Variants in FOXN3 observed in about 807,000 individuals in gnomAD.
The protein encoded by FOXN3 is forkhead box protein N3.
In FOXN3, 7 loss-of-function variants were observed where a neutral mutation model predicts 38.4. That is an observed-to-expected ratio of 0.18 (90% confidence interval 0.10 to 0.34). The LOEUF (loss-of-function observed/expected upper bound fraction) is 0.34. Ranked by LOEUF, FOXN3 falls within the 10% of genes least tolerant of loss-of-function variation. The pLI, the probability that FOXN3 is intolerant of heterozygous loss-of-function variation, is 1.00. For missense variants in FOXN3, 456 were observed against 613.4 expected, an observed-to-expected ratio of 0.74 and a Z score of 2.71; for synonymous variants, 230 against 242.2, an observed-to-expected ratio of 0.95 and a Z score of 0.47.
At chr14:89,304,310 C>A (rs140595928) in intron 3 of FOXN3, among the ~76,000 whole-genome samples, 1 of 151,920 alleles carries the variant, frequency 6.6e-6, no homozygotes, top group Non-Finnish European at 1.5e-5. Flanking sequence ...CGGGAAGGGG[C>A]GGGAAGGGGC....
intron 1 of FOXN3, among the ~76,000 whole-genome samples, chr14:89,545,441 G>A (rs11622222): frequency 0.39 from 59,916 of 152,060 alleles, 15,165 homozygotes; most frequent in Non-Finnish European, 0.56. Flanking sequence ...CTTCTAACAC[G>A]GAGAATGCAT....
intron 3 of FOXN3, among the ~76,000 whole-genome samples, chr14:89,346,412 T>C (rs1425878527): frequency 6.6e-6 from 1 of 152,206 alleles, no homozygotes; most frequent in African/African-American, 2.4e-5. Flanking sequence ...ATTCTAAGAC[T>C]TTCCCTGTTT....
chr14:89,170,704 T>G (rs1222731124), intron 5 of FOXN3, among the ~76,000 whole-genome samples: 1 of 152,202 alleles, frequency 6.6e-6, no homozygotes, highest in East Asian at 1.9e-4. Flanking sequence ...TGTTGAGAGA[T>G]AACTGAAAAC....
chr14:89,288,670 TTCTCTCTCTCTC>T (rs1202531466), intron 3 of FOXN3, among the ~76,000 whole-genome samples: 40 of 54,128 alleles, frequency 7.4e-4, no homozygotes, highest in South Asian at 1.1e-3. Flanking sequence ...GGCACTCTCT[TTCTCTCTCTCTC>T]TCTCTCTCTC....
chr14:89,268,030 TAC>T (rs1043910537), intron 4 of FOXN3, among the ~76,000 whole-genome samples: 1 of 152,022 alleles, frequency 6.6e-6, no homozygotes, highest in African/African-American at 2.4e-5. Context: ...TACACACACA[TAC>T]ACACACACAT....
chr14:89,352,937 G>A (rs368874233), intron 2 of FOXN3, among the ~76,000 whole-genome samples: 43 of 152,230 alleles, frequency 2.8e-4, no homozygotes, highest in African/African-American at 7.2e-4. Context: ...TGCAGCGAGC[G>A]GAGATCGCAC....
intron 2 of FOXN3, chr14:89,356,403 AT>A (rs1889227686): frequency 1.3e-5 from 2 of 151,928 alleles, no homozygotes; most frequent in African/African-American, 2.4e-5. Context: ...TCTCAAAAAA[AT>A]ATATAATAAT....
At chr14:89,299,910 C>A (rs1035147321) in intron 3 of FOXN3, among the ~76,000 whole-genome samples, 1 of 152,050 alleles carries the variant, frequency 6.6e-6, no homozygotes, top group African/African-American at 2.4e-5. Flanking sequence ...AGAGCAAACA[C>A]ATGGTGAGTA....
intron 2 of FOXN3, chr14:89,409,348 G>GGGA (rs1891472958): frequency 2.6e-5 from 2 of 77,924 alleles, no homozygotes; most frequent in South Asian, 1.0e-3. Context: ...CCAGCGGTGG[G>GGGA]GGACGGGGGG....
At chr14:89,311,124 T>C in intron 3 of FOXN3, among the ~76,000 whole-genome samples, 1 of 135,216 alleles carries the variant, frequency 7.4e-6, no homozygotes, top group Admixed American at 7.6e-5. Context: ...AAAAAAAACC[T>C]GACATCTTTT....
chr14:89,245,810 C>T (rs1202143896), intron 4 of FOXN3, among the ~76,000 whole-genome samples: 1 of 152,154 alleles, frequency 6.6e-6, no homozygotes, highest in Admixed American at 6.5e-5. Flanking sequence ...GACACGCAGC[C>T]GGAGAGGCAG....
intron 1 of FOXN3, among the ~76,000 whole-genome samples, chr14:89,506,482 GC>G (rs1893941106): frequency 1.4e-5 from 2 of 144,542 alleles, no homozygotes; most frequent in African/African-American, 5.3e-5. Context: ...CCGGCCAGCC[GC>G]CCCGTCCGGG....
At chr14:89,559,785 G>A (rs1895208772) in intron 1 of FOXN3, among the ~76,000 whole-genome samples, 1 of 152,304 alleles carries the variant, frequency 6.6e-6, no homozygotes, top group Admixed American at 6.5e-5. Flanking sequence ...GGGTGTCAGG[G>A]AGTGAGTGAA....
intron 1 of FOXN3, among the ~76,000 whole-genome samples, chr14:89,515,668 G>A (rs970229677): frequency 1.3e-5 from 2 of 152,158 alleles, no homozygotes; most frequent in Admixed American, 6.5e-5. Flanking sequence ...CCCAGGAGGT[G>A]GAGGTTGCAG....
At chr14:89,334,611 CATAAA>C (rs142055992) in intron 3 of FOXN3, among the ~76,000 whole-genome samples, 29 of 147,698 alleles carry the variant, frequency 2.0e-4, no homozygotes, top group African/African-American at 5.9e-4. Context: ...CTTCATCAAA[CATAAA>C]ATAAAATAAA....
chr14:89,317,798 C>T (rs1887767027), intron 3 of FOXN3, among the ~76,000 whole-genome samples: 1 of 151,794 alleles, frequency 6.6e-6, no homozygotes, highest in Non-Finnish European at 1.5e-5. Context: ...AGGTGAGCGG[C>T]AGGCGAGCAG....
intron 5 of FOXN3, among the ~76,000 whole-genome samples, chr14:89,175,702 T>A (rs1408702673): frequency 6.6e-6 from 1 of 152,218 alleles, no homozygotes; most frequent in Non-Finnish European, 1.5e-5. Context: ...ACGTATTTTG[T>A]TGGTTCAGTT....
intron 4 of FOXN3, among the ~76,000 whole-genome samples, chr14:89,242,431 C>A (rs77065071): frequency 6.6e-6 from 1 of 151,918 alleles, no homozygotes; most frequent in East Asian, 1.9e-4. Flanking sequence ...TTGAGAATGG[C>A]CTGAAGGTGG....
At chr14:89,271,568 CAT>C (rs1012870055) in intron 4 of FOXN3, among the ~76,000 whole-genome samples, 2 of 152,216 alleles carry the variant, frequency 1.3e-5, no homozygotes, top group Non-Finnish European at 1.5e-5. Flanking sequence ...ATAAAATTCA[CAT>C]AGACTAAAAT....
Sources: allele counts gnomAD v4.1 joint callset (sites outside exome capture counted in the v4.1 genomes callset), GRCh38; gene constraint gnomAD v4.1.1; transcripts MANE v1.5; gene names NCBI Gene and HGNC (gene_info 2026-07-23, HGNC 2026-07-21).